The following NEDD1 variants were observed in gnomAD, a reference collection of about 807,000 sequenced individuals.
NEDD1 encodes the protein protein NEDD1.
Under a neutral mutation model 74.0 loss-of-function variants are expected in NEDD1, and 33 were observed. That is an observed-to-expected ratio of 0.45 (90% CI 0.34 to 0.60). The LOEUF (loss-of-function observed/expected upper bound fraction) is 0.60. Among genes scored for constraint, NEDD1 ranks in the 20% least tolerant of loss-of-function variants. The pLI, the probability that NEDD1 is intolerant of heterozygous loss-of-function variation, is 0.01. For synonymous variants in NEDD1, 250 were observed against 264.4 expected, an observed-to-expected ratio of 0.95 and a Z score of 0.53; for missense variants, 746 against 776.5, an observed-to-expected ratio of 0.96 and a Z score of 0.47.
chr12:96,938,176 T>C (rs1877313819), intron 9 of NEDD1, among the ~76,000 whole-genome samples: 1 of 152,004 alleles, frequency 6.6e-6, no homozygotes. Context: ...AGCAAAACTT[T>C]AATTTGTTGA....
chr12:96,938,454 TA>T (rs1877344482), intron 9 of NEDD1, among the ~76,000 whole-genome samples: 1 of 152,040 alleles, frequency 6.6e-6, no homozygotes, highest in Non-Finnish European at 1.5e-5. Flanking sequence ...TTAAACAAAA[TA>T]AAGATTCTCT....
intron 4 of NEDD1, among the ~76,000 whole-genome samples, chr12:96,915,534 C>T (rs1874344350): frequency 6.6e-6 from 1 of 152,182 alleles, no homozygotes; most frequent in African/African-American, 2.4e-5. Flanking sequence ...AGATGATTTG[C>T]CTAAACCTAC....
In NEDD1 at chr12:96,945,705, C is replaced by T; in HGVS notation, c.1667C>T (p.Ala556Val). 1.3e-6 allele frequency: 2 copies of T among 1,591,642 alleles called. No individual in the cohort carries two copies. The highest frequency in any genetic ancestry group is 2.2e-5 in the South Asian group (2 of 90,482). ...NGSSTPNPKI[A>V]SSVTAGVASS... ...TTCTTTATTTTAGATCCAAAGATAGCATCTTCTGTCACTGCTGGAGTTGCC... is the reference window on the plus strand; with the variant it reads ...TTCTTTATTTTAGATCCAAAGATAGTATCTTCTGTCACTGCTGGAGTTGCC... The change falls in exon 14 of 16, where the codon GCA (alanine) becomes GTA (valine). Residue 556 changes from alanine (A) to valine (V), a missense_variant. This residue lies in a region of NEDD1 where 706 missense variants were observed against 706.7 expected (regional missense o/e 1.00). Transcript: ENST00000266742.
intron 10 of NEDD1, 62 bp downstream of exon 10, chr12:96,940,599 A>G (rs1403535733): frequency 1.5e-5 from 18 of 1,217,762 alleles, no homozygotes; most frequent in Non-Finnish European, 2.1e-5. Context: ...TCTGGCTAAA[A>G]GATGTGAATA....
chr12:96,935,387 A>G (rs1402502963), intron 7 of NEDD1, among the ~76,000 whole-genome samples, 182 bp downstream of exon 7: 1 of 152,208 alleles, frequency 6.6e-6, no homozygotes, highest in African/African-American at 2.4e-5. Context: ...GGTTGCAGGT[A>G]GTATTTAGGG....
intron 6 of NEDD1, among the ~76,000 whole-genome samples, chr12:96,932,200 C>T (rs559883681): frequency 1.3e-5 from 2 of 151,110 alleles, no homozygotes; most frequent in East Asian, 3.9e-4. Flanking sequence ...TTTTTTCCCC[C>T]CCATAAGCTT....
chr12:96,943,498 C>G, intron 11 of NEDD1, 62 bp from the exon 12 acceptor site: 2 of 1,111,688 alleles, frequency 1.8e-6, no homozygotes, highest in South Asian at 1.4e-5. Flanking sequence ...ATGTTAAATG[C>G]TTTTCTTCAA....
intron 3 of NEDD1, among the ~76,000 whole-genome samples, chr12:96,910,842 A>AT (rs1384680606): frequency 2.6e-5 from 4 of 152,264 alleles, no homozygotes; most frequent in Non-Finnish European, 5.9e-5. Flanking sequence ...TTCTTAACAA[A>AT]TTAAGATTTA....
intron 8 of NEDD1, 49 bp downstream of exon 8, chr12:96,936,861 C>A: frequency 1.7e-6 from 2 of 1,170,106 alleles, no homozygotes; most frequent in Non-Finnish European, 2.5e-6. Context: ...ATAAATCTAA[C>A]TCAGAATATG....
chr12:96,943,829 G>C, intron 12 of NEDD1, 67 bp downstream of exon 12: 1 of 970,484 alleles, frequency 1.0e-6, no homozygotes, highest in Non-Finnish European at 1.6e-6. Flanking sequence ...GTGGCTGCCA[G>C]TGCATGTATC....
At chr12:96,921,137 C>T (rs1190629832) in intron 6 of NEDD1, among the ~76,000 whole-genome samples, 2 of 152,030 alleles carry the variant, frequency 1.3e-5, no homozygotes, top group Non-Finnish European at 2.9e-5. Context: ...GGCCTCTTTG[C>T]CAATTATTTG....
At chr12:96,934,851 C>CT in intron 6 of NEDD1, 125 bp from the exon 7 acceptor site, 1 of 678,470 alleles carries the variant, frequency 1.5e-6, no homozygotes, top group South Asian at 1.8e-5. Context: ...ACCTGTCACT[C>CT]TTACACATCA....
In NEDD1 at chr12:96,953,217, A is replaced by C. The variant is rs916848125; in HGVS notation, c.*1164A>C. ...AAAGTATTTACTAAAATTAAAAAAA[A>C]AAAAACAAAAAACAAACCTTTAGCT... On this transcript the variant is annotated 3_prime_UTR_variant, in exon 16 of 16. Transcript: ENST00000266742. The C allele has an allele frequency of 1.3e-5, 2 of 151,262 alleles. No individual in the cohort carries two copies. The highest frequency in any genetic ancestry group is 3.0e-5 in the Non-Finnish European group (2 of 67,572). 9.4% of individuals were successfully genotyped at this position (151,262 alleles called of 1,614,324 possible). A position where few individuals can be genotyped will look rare whatever the true frequency, so the allele number is the denominator to read the frequency against.
intron 6 of NEDD1, among the ~76,000 whole-genome samples, chr12:96,931,870 G>T (rs1234662333): frequency 1.3e-5 from 2 of 152,156 alleles, no homozygotes; most frequent in African/African-American, 4.8e-5. Flanking sequence ...TCTCTGGGTA[G>T]TGGGATTATG....
At chr12:96,938,026 G>A (rs1877299586) in intron 9 of NEDD1, among the ~76,000 whole-genome samples, 1 of 151,898 alleles carries the variant, frequency 6.6e-6, no homozygotes, top group African/African-American at 2.4e-5. Context: ...AAGTCTACAT[G>A]GTATACTAGT....
chr12:96,949,772 G>A (rs1878530890), intron 14 of NEDD1, among the ~76,000 whole-genome samples: 2 of 152,080 alleles, frequency 1.3e-5, no homozygotes, highest in Non-Finnish European at 2.9e-5. Context: ...AGGTAGCATT[G>A]CAGATTTATG....
At chr12:96,929,922 A>G (rs534110196) in intron 6 of NEDD1, among the ~76,000 whole-genome samples, 1 of 152,172 alleles carries the variant, frequency 6.6e-6, no homozygotes, top group South Asian at 2.1e-4. Flanking sequence ...TTTTCTGTGA[A>G]TACCTTTTGG....
Position 96,952,175 on chromosome 12 carries a change from G to C in NEDD1, c.*122G>C. ...AAATGTTTTTCAAGTAAGAGTAAAA[G>C]GATGATGGGATTTTATACCAACAAC... is the stretch of plus-strand genomic sequence containing the variant. On this transcript the variant is annotated 3_prime_UTR_variant, in exon 16 of 16. Coordinates refer to ENST00000266742, the MANE Select transcript of NEDD1 (RefSeq NM_152905.4). The C allele has an allele frequency of 1.6e-6, 1 of 624,752 alleles. No individual in the cohort carries two copies. The allele number at this position is 624,752 out of a possible 1,614,324, so 38.7% of individuals were successfully genotyped here.
intron 5 of NEDD1, 144 bp downstream of exon 5, chr12:96,917,881 G>A: frequency 1.0e-6 from 1 of 1,000,476 alleles, no homozygotes; most frequent in South Asian, 2.5e-5. Flanking sequence ...AAATAAAGGT[G>A]CTATTTAGCC....
Sources: gnomAD v4.1 joint callset for allele counts (sites outside exome capture counted in the v4.1 genomes callset) on GRCh38, gnomAD v4.1.1 for gene constraint, gnomAD v4.1.1 regional missense constraint, MANE v1.5 for transcripts, NCBI Gene and HGNC (gene_info 2026-07-23, HGNC 2026-07-21) for gene names.